The following PXN variants were observed in gnomAD, a reference collection of about 807,000 sequenced individuals.
PXN encodes the protein paxillin.
PXN carries 61 observed loss-of-function variants against 103.6 expected under a neutral mutation model. The ratio of observed to expected loss-of-function variants is 0.59; its 90% CI spans 0.48 to 0.73. PXN has a LOEUF of 0.73. Ranked by LOEUF, PXN falls within the 30% of genes least tolerant of loss-of-function variation. The pLI, the probability that PXN is intolerant of heterozygous loss-of-function variation, is 0.00. For synonymous variants in PXN, 562 were observed against 607.8 expected (o/e 0.92, Z 1.11); for missense variants, 1,274 against 1,460.3 (o/e 0.87, Z 2.08).
At chr12:120,254,222 A>G (rs1388590736) in intron 1 of PXN, among the ~76,000 whole-genome samples, 3 of 152,178 alleles carry the variant, frequency 2.0e-5, no homozygotes, top group African/African-American at 7.2e-5. Context: ...AAATACAGAG[A>G]TCGAGAATGA....
In PXN at chr12:120,228,641, G is replaced by C. The variant is rs569713359; in HGVS notation, c.14-4264C>G. On this transcript the variant is annotated intron_variant, in intron 1 of 14. Transcript: ENST00000637617. This position sits in a 1 kb window ranked among gnomAD's most constrained non-coding sequence, Gnocchi z 4.7. Reference sequence around the variant, plus strand: ...CGCAGTGGGGAAGTTTCTATCCTTAGAGAACAAGGCTGAGCTGGAGGAACA... The same window carrying C: ...CGCAGTGGGGAAGTTTCTATCCTTACAGAACAAGGCTGAGCTGGAGGAACA... 2.0e-4 allele frequency among the ~76,000 whole-genome samples: 30 copies of C among 152,360 alleles called. No individual in the cohort carries two copies. The East Asian group carries it at 5.6e-3, about 28-fold the overall frequency.
rs770349512 is a variant in PXN at position 120,222,906 on chromosome 12, C to T, written c.450G>A (p.Leu150=). The T allele has an allele frequency of 6.2e-6, 10 of 1,613,848 alleles. No individual in the cohort carries two copies. The highest frequency in any genetic ancestry group is 2.5e-6 in the Non-Finnish European group (3 of 1,179,898). Reference sequence around the variant, plus strand: ...GGTTATGCTGTACAGCGTTCAGTTCCAGCAGCAGGCGGTCGAGTTCAGAAA... The same window carrying T: ...GGTTATGCTGTACAGCGTTCAGTTCTAGCAGCAGGCGGTCGAGTTCAGAAA... ...SNLSELDRLL[L]ELNAVQHNPP... is the part of the protein sequence containing the mutation. Residue 150 remains leucine (L), a synonymous_variant, in exon 4 of 15, where the codon CTG becomes CTA. Coordinates refer to ENST00000637617, the MANE Select transcript of PXN (RefSeq NM_001385981.1). This position sits in a 1 kb window ranked among gnomAD's most constrained non-coding sequence, Gnocchi z 4.7.
chr12:120,215,980 CT>C lies in PXN; in HGVS notation c.2301+292del. ...GGGAGGAGACAGGTTTCTGGTCTCC[CT>C]TCTGGAGTGGCTTCTTTCCTCGATG... On this transcript the variant is annotated intron_variant, in intron 9 of 14. Transcript: ENST00000637617. This position sits in a 1 kb window ranked among gnomAD's most constrained non-coding sequence, Gnocchi z 4.9. The C allele has an allele frequency of 7.3e-7, 1 of 1,374,592 alleles. No homozygotes were observed. 85.1% of individuals were successfully genotyped at this position (1,374,592 alleles called of 1,614,324 possible).
rs562144343 is a variant in PXN at position 120,224,611 on chromosome 12, G to A, written c.14-234C>T. The A allele has an allele frequency of 4.9e-5, 34 of 687,820 alleles. 1 individual carries two copies. The highest frequency in any genetic ancestry group is 3.9e-4 in the South Asian group (26 of 66,596). The allele number at this position is 687,820 out of a possible 1,614,324, so 42.6% of individuals were successfully genotyped here. ...CCAGGACTGAAAGTGCTCTAGAGGC[G>A]GGCTCTGGGGCTGCCCTGTGGGATC... On this transcript the variant is annotated intron_variant, in intron 1 of 14. Transcript: ENST00000637617. The surrounding 1 kb of genome is among the most constrained non-coding windows in gnomAD (Gnocchi z 5.0).
rs959125188 is a variant in PXN, at chr12:120,220,725, G to A, written c.832-634C>T. Among the ~76,000 whole-genome samples, 7 of 152,114 alleles carry A rather than the reference G, an allele frequency of 4.6e-5. No homozygotes were observed. The highest frequency in any genetic ancestry group is 9.7e-5 in the African/African-American group (4 of 41,414). The stretch of plus-strand genomic sequence containing the variant: ...TGGCCTGGAGCTGGAACTATAGCAC[G>A]CAAGGGTCACAGGGCCAGGCTCAAC... On this transcript the variant is annotated intron_variant, in intron 6 of 14. Coordinates refer to ENST00000637617, the MANE Select transcript of PXN (RefSeq NM_001385981.1). The surrounding 1 kb of genome is among the most constrained non-coding windows in gnomAD (Gnocchi z 6.1).
At chr12:120,238,646 C>A (rs1228748007) in intron 1 of PXN, among the ~76,000 whole-genome samples, 1 of 152,228 alleles carries the variant, frequency 6.6e-6, no homozygotes, top group African/African-American at 2.4e-5. Context: ...GTGGAGCATT[C>A]CAGAAGGTTG....
chr12:120,261,982 A>T (rs1172202146), intron 1 of PXN, among the ~76,000 whole-genome samples: 1 of 152,202 alleles, frequency 6.6e-6, no homozygotes, highest in Non-Finnish European at 1.5e-5. Flanking sequence ...TGCAGAGCCC[A>T]CCAGGAGGGC....
At chr12:120,242,518 C>G (rs993016113) in intron 1 of PXN, among the ~76,000 whole-genome samples, 1 of 152,218 alleles carries the variant, frequency 6.6e-6, no homozygotes, top group African/African-American at 2.4e-5. Context: ...GCCTCAAACC[C>G]TCATGGAAAT....
At position 120,215,041 on chromosome 12, in the gene PXN, C is replaced by T. The variant is rs367793300; in HGVS notation, c.2575-43G>A. 2.5e-3 allele frequency: 4,082 copies of T among 1,603,576 alleles called. 13 individuals are homozygous for T. The highest frequency in any genetic ancestry group is 3.2e-3 in the Non-Finnish European group (3,740 of 1,175,092). On this transcript the variant is annotated intron_variant, in intron 11 of 14. Transcript: ENST00000637617. This position sits in a 1 kb window ranked among gnomAD's most constrained non-coding sequence, Gnocchi z 4.9. ...TGCGGTCCAGGGCCAAGGCCAGCCC[C>T]GGAGCACCCCCACCCCTGCAGGAGT...
At position 120,221,838 on chromosome 12, in the gene PXN, G is replaced by A. The variant is rs987244187; in HGVS notation, c.696-80C>T. 177 of 1,474,364 alleles carry A rather than the reference G, an allele frequency of 1.2e-4. 1 individual carries two copies. In the Middle Eastern group the frequency reaches 2.4e-3, roughly 20 times the overall value. The allele number at this position is 1,474,364 out of a possible 1,614,324, so 91.3% of individuals were successfully genotyped here. On this transcript the variant is annotated intron_variant, in intron 5 of 14. Coordinates refer to ENST00000637617, the MANE Select transcript of PXN (RefSeq NM_001385981.1). This position sits in a 1 kb window ranked among gnomAD's most constrained non-coding sequence, Gnocchi z 6.6. Reference sequence around the variant, plus strand: ...GGGGATCAGATCGACCTCTCACCTCGGACACTGGGGTCTCACCATCCCCAA... The same window carrying A: ...GGGGATCAGATCGACCTCTCACCTCAGACACTGGGGTCTCACCATCCCCAA...
rs1881957355 is a variant in PXN at position 120,214,697 on chromosome 12, T to C, written c.2748+128A>G. 36 of 1,255,742 alleles carry C rather than the reference T, an allele frequency of 2.9e-5. No individual in the cohort carries two copies. The South Asian group carries it at 4.9e-4, about 17-fold the overall frequency. The allele number at this position is 1,255,742 out of a possible 1,614,324, so 77.8% of individuals were successfully genotyped here. On this transcript the variant is annotated intron_variant, in intron 12 of 14. Transcript: ENST00000637617. This position sits in a 1 kb window ranked among gnomAD's most constrained non-coding sequence, Gnocchi z 5.0. ...TGTGGCTGTGAATCCGGCCCCACTG[T>C]TCCCTAGCCCTGTGAGCCTCGGGCA...
Position 120,241,198 on chromosome 12 carries a change from C to T in PXN, c.14-16821G>A, listed in dbSNP as rs112276294. Among the ~76,000 whole-genome samples, 235 of 152,330 alleles carry T rather than the reference C, an allele frequency of 1.5e-3. 1 individual carries two copies. Among genetic ancestry groups the T allele is most frequent in the African/African-American group, 5.3e-3 (221 of 41,582 alleles). On this transcript the variant is annotated intron_variant, in intron 1 of 14. Coordinates refer to ENST00000637617, the MANE Select transcript of PXN (RefSeq NM_001385981.1). ...GCAGGCCTGACAGTGCACCACCCTG[C>T]CCCTGTCAGATCACAGCTTGGTCCT...
In PXN at chr12:120,216,836, G is replaced by T; in HGVS notation, c.1992+5C>A. On this transcript the variant is annotated splice_donor_5th_base_variant and intron_variant, in intron 8 of 14. Transcript: ENST00000637617. This position sits in a 1 kb window ranked among gnomAD's most constrained non-coding sequence, Gnocchi z 5.1. Reference sequence around the variant, plus strand: ...CAGCCCCAGCCATGGGCATCTCCTCGCCACCTTCTCTACGAGCTGCCCCCC... The same window carrying T: ...CAGCCCCAGCCATGGGCATCTCCTCTCCACCTTCTCTACGAGCTGCCCCCC... 1 of 1,537,878 alleles carries T rather than the reference G, an allele frequency of 6.5e-7. No homozygotes were observed. Among genetic ancestry groups the T allele is most frequent in the Non-Finnish European group, 8.7e-7 (1 of 1,154,186 alleles).
chr12:120,234,060 A>G (rs749376202), intron 1 of PXN, among the ~76,000 whole-genome samples: 1 of 151,808 alleles, frequency 6.6e-6, no homozygotes, highest in Non-Finnish European at 1.5e-5. Context: ...ACAAGGCTAC[A>G]TTATGGAGTC....
At chr12:120,256,326 G>C (rs1017281826) in intron 1 of PXN, among the ~76,000 whole-genome samples, 1 of 151,948 alleles carries the variant, frequency 6.6e-6, no homozygotes, top group African/African-American at 2.4e-5. Context: ...CAGGAGGATC[G>C]CTTGAGTTGG....
intron 1 of PXN, among the ~76,000 whole-genome samples, chr12:120,232,643 A>G (rs1487140589): frequency 6.6e-6 from 1 of 152,110 alleles, no homozygotes; most frequent in Non-Finnish European, 1.5e-5. Flanking sequence ...GGGCTCTTCC[A>G]GGCAAGTTGA....
chr12:120,256,534 G>A (rs1893040809), intron 1 of PXN, among the ~76,000 whole-genome samples: 2 of 152,006 alleles, frequency 1.3e-5, no homozygotes, highest in African/African-American at 4.8e-5. Flanking sequence ...AGAAGATGAT[G>A]ACCATGAGGT....
rs1334169238 is a variant in PXN, at chr12:120,265,645, G to T, written c.-16C>A. On this transcript the variant is annotated 5_prime_UTR_variant, in exon 1 of 15. Transcript: ENST00000637617. The surrounding 1 kb of genome is among the most constrained non-coding windows in gnomAD (Gnocchi z 5.7). Reference sequence around the variant, plus strand: ...GGTCGTCCATGGCCGGACCACGGGCGCCGGCTCAGGGTCGCGCTAGCTGCC... The same window carrying T: ...GGTCGTCCATGGCCGGACCACGGGCTCCGGCTCAGGGTCGCGCTAGCTGCC... 2.0e-6 allele frequency: 3 copies of T among 1,472,810 alleles called. No homozygotes were observed. 91.2% of individuals were successfully genotyped at this position (1,472,810 alleles called of 1,614,324 possible).
At position 120,211,751 on chromosome 12, in the gene PXN, G is replaced by A. The variant is rs1880228329; in HGVS notation, c.*563C>T. 2.7e-6 allele frequency: 1 copy of A among 363,690 alleles called. No individual in the cohort carries two copies. The highest frequency in any genetic ancestry group is 2.1e-5 in the African/African-American group (1 of 46,886). 22.5% of individuals were successfully genotyped at this position (363,690 alleles called of 1,614,324 possible). A position where few individuals can be genotyped will look rare whatever the true frequency, so the allele number is the denominator to read the frequency against. The stretch of plus-strand genomic sequence containing the variant: ...GTCTAAAAGGCAGGGGCAGTCGCCA[G>A]GCCTAGGGCACTGGAAGGGTAGGAG... On this transcript the variant is annotated 3_prime_UTR_variant, in exon 15 of 15. Coordinates refer to ENST00000637617, the MANE Select transcript of PXN (RefSeq NM_001385981.1).
Sources: allele counts gnomAD v4.1 joint callset (sites outside exome capture counted in the v4.1 genomes callset), GRCh38; gene constraint gnomAD v4.1.1; non-coding constraint Gnocchi (gnomAD v3.1); transcripts MANE v1.5; gene names NCBI Gene and HGNC (gene_info 2026-07-23, HGNC 2026-07-21).